The following DEPDC1 variants were observed in gnomAD, a reference collection of about 807,000 sequenced individuals.
DEPDC1 encodes the protein DEP domain containing 1, also known as DEP domain-containing protein 1A.
Under a neutral mutation model 86.8 loss-of-function variants are expected in DEPDC1, and 66 were observed. The ratio of observed to expected loss-of-function variants is 0.76; its 90% CI spans 0.62 to 0.93. DEPDC1 has a LOEUF of 0.93. DEPDC1 is among the 40% of genes least tolerant of loss of function. DEPDC1 has a pLI of 0.00. For synonymous variants in DEPDC1, 255 were observed against 314.9 expected (o/e 0.81, Z 2.02); for missense variants, 792 against 935.7 (o/e 0.85, Z 2.00).
intron 6 of DEPDC1, among the ~76,000 whole-genome samples, chr1:68,485,802 T>C (rs1293505305): frequency 1.3e-5 from 2 of 152,104 alleles, no homozygotes; most frequent in African/African-American, 2.4e-5. Context: ...TTGCTATTTA[T>C]TCAATGTCAT....
rs955264382 is a variant in DEPDC1 at position 68,476,342 on chromosome 1, A to T, written c.*590T>A. On this transcript the variant is annotated 3_prime_UTR_variant, in exon 12 of 12. Transcript: ENST00000456315. The stretch of plus-strand genomic sequence containing the variant: ...ATATACTGAACAAATGAATGACTGA[A>T]GCAATTGGGGATAATATTTAAGGCA... 1.3e-5 allele frequency: 2 copies of T among 151,852 alleles called. No individual in the cohort carries two copies. Among genetic ancestry groups the T allele is most frequent in the African/African-American group, 4.8e-5 (2 of 41,404 alleles). 9.4% of individuals were successfully genotyped at this position (151,852 alleles called of 1,614,324 possible).
rs138746932 is a variant in DEPDC1 at position 68,476,202 on chromosome 1, C to A, written c.*730G>T. The stretch of plus-strand genomic sequence containing the variant: ...CATTGTCTCTGCATATCTGGAACAA[C>A]GAAAGGCACATAGCAGTTGCTAAAT... On this transcript the variant is annotated 3_prime_UTR_variant, in exon 12 of 12. Coordinates refer to ENST00000456315, the MANE Select transcript of DEPDC1 (RefSeq NM_001114120.3). 3.3e-5 allele frequency: 5 copies of A among 151,840 alleles called. No homozygotes were observed. The highest frequency in any genetic ancestry group is 1.2e-4 in the African/African-American group (5 of 41,416). 9.4% of individuals were successfully genotyped at this position (151,840 alleles called of 1,614,324 possible). A position where few individuals can be genotyped will look rare whatever the true frequency, so the allele number is the denominator to read the frequency against.
chr1:68,490,147 G>A (rs1180151068), intron 2 of DEPDC1, among the ~76,000 whole-genome samples: 1 of 152,080 alleles, frequency 6.6e-6, no homozygotes, highest in Non-Finnish European at 1.5e-5. Context: ...TTTAAGTTCA[G>A]GGGTGCATGT....
At position 68,488,369 on chromosome 1, in the gene DEPDC1, C is replaced by G. The variant is rs375208695; in HGVS notation, c.721+5G>C. The stretch of plus-strand genomic sequence containing the variant: ...TAAAAGTCCAATTATTTTATTAATA[C>G]CAACCTGATTTGTTTTGTAGTATAA... On this transcript the variant is annotated splice_donor_5th_base_variant and intron_variant, in intron 5 of 11. Coordinates refer to ENST00000456315, the MANE Select transcript of DEPDC1 (RefSeq NM_001114120.3). 3 of 1,575,868 alleles carry G rather than the reference C, an allele frequency of 1.9e-6. No individual in the cohort carries two copies. The highest frequency in any genetic ancestry group is 2.6e-6 in the Non-Finnish European group (3 of 1,167,648).
At chr1:68,483,384 C>T (rs902572743) in intron 7 of DEPDC1, 18 of 490,942 alleles carry the variant, frequency 3.7e-5, no homozygotes, top group Admixed American at 9.0e-5. Context: ...AACTGAGGGC[C>T]GGCCATGGTT....
At chr1:68,491,004 A>G (rs1412286341) in intron 2 of DEPDC1, among the ~76,000 whole-genome samples, 1 of 152,142 alleles carries the variant, frequency 6.6e-6, no homozygotes, top group African/African-American at 2.4e-5. Context: ...GAAATGGGAC[A>G]CCTTCTTACA....
At chr1:68,488,575 C>T (rs964515871) in intron 4 of DEPDC1, 71 bp from the exon 5 acceptor site, 2 of 1,264,070 alleles carry the variant, frequency 1.6e-6, no homozygotes, top group African/African-American at 1.6e-5. Context: ...GACTAGTAAA[C>T]AAAGCCATCA....
chr1:68,480,234 T>C (rs1029764246), intron 9 of DEPDC1, among the ~76,000 whole-genome samples: 6 of 93,060 alleles, frequency 6.4e-5, no homozygotes, highest in African/African-American at 2.6e-4. Flanking sequence ...CTTATATCTA[T>C]GCAACCCTCT....
In DEPDC1 at chr1:68,476,340, G is replaced by A. The variant is rs1646114943; in HGVS notation, c.*592C>T. The stretch of plus-strand genomic sequence containing the variant: ...ATATATACTGAACAAATGAATGACT[G>A]AAGCAATTGGGGATAATATTTAAGG... On this transcript the variant is annotated 3_prime_UTR_variant, in exon 12 of 12. Transcript: ENST00000456315. 6.6e-6 allele frequency: 1 copy of A among 151,672 alleles called. No homozygotes were observed. The highest frequency in any genetic ancestry group is 1.5e-5 in the Non-Finnish European group (1 of 67,764). 9.4% of individuals were successfully genotyped at this position (151,672 alleles called of 1,614,324 possible).
intron 2 of DEPDC1, among the ~76,000 whole-genome samples, chr1:68,492,368 G>T (rs1357975855): frequency 6.6e-6 from 1 of 151,878 alleles, no homozygotes; most frequent in Non-Finnish European, 1.5e-5. Flanking sequence ...CACATTTTTG[G>T]TAAACTTTAT....
In DEPDC1 at chr1:68,496,904, G is replaced by A. The variant is rs769860872; in HGVS notation, c.48+48C>T. 20 of 1,597,000 alleles carry A rather than the reference G, an allele frequency of 1.3e-5. No homozygotes were observed. The Admixed American group carries it at 3.0e-4, about 24-fold the overall frequency. On this transcript the variant is annotated intron_variant, in intron 1 of 11. Transcript: ENST00000456315. This position sits in a 1 kb window ranked among gnomAD's most constrained non-coding sequence, Gnocchi z 4.0. ...TCGAGGTAAAACTGCGAACAGTGGT[G>A]ACTGCCGTCAGCCCGCTGACCGGTC... is the stretch of plus-strand genomic sequence containing the variant.
At chr1:68,483,609 G>A in intron 7 of DEPDC1, 1 of 278,254 alleles carries the variant, frequency 3.6e-6, no homozygotes, top group South Asian at 3.7e-5. Context: ...GAGAAACTCT[G>A]TGCCACCCCC....
chr1:68,492,755 T>C (rs1176299174), intron 2 of DEPDC1, among the ~76,000 whole-genome samples: 2 of 152,208 alleles, frequency 1.3e-5, no homozygotes, highest in South Asian at 2.1e-4. Context: ...AAAAAGAAGA[T>C]TCATCTTGGA....
rs1442638334 is a variant in DEPDC1 at position 68,489,013 on chromosome 1, G to A, written c.493C>T (p.His165Tyr). ...LSQENGEKIK[H>Y]EIINEDQENA... The stretch of plus-strand genomic sequence containing the variant: ...TCTTGATCTTCATTGATTATTTCAT[G>A]CTTTATTTTCTCGCCATTTTCCTGA... Residue 165 changes from histidine to tyrosine, a missense_variant, in exon 4 of 12, where the codon CAT becomes TAT. Coordinates refer to ENST00000456315, the MANE Select transcript of DEPDC1 (RefSeq NM_001114120.3). 3.1e-6 allele frequency: 5 copies of A among 1,603,076 alleles called. No homozygotes were observed. The highest frequency in any genetic ancestry group is 4.3e-6 in the Non-Finnish European group (5 of 1,172,838).
At chr1:68,478,474 A>T (rs2100241933) in intron 10 of DEPDC1, among the ~76,000 whole-genome samples, 1 of 150,968 alleles carries the variant, frequency 6.6e-6, no homozygotes, top group African/African-American at 2.4e-5. Flanking sequence ...GCCTAGGGAC[A>T]TAGGCAGAGC....
In DEPDC1 at chr1:68,477,016, A is replaced by C; in HGVS notation, c.2352T>G (p.Ser784Arg). The change falls in exon 12 of 12, where the codon AGT becomes AGG. Residue 784 changes from serine to arginine, a missense_variant. By Grantham distance (110) the Ser-to-Arg change is moderately radical. Coordinates refer to ENST00000456315, the MANE Select transcript of DEPDC1 (RefSeq NM_001114120.3). ...IYQKRFPTTESEAALFGDKPT... is the reference protein window; with the variant it reads ...IYQKRFPTTEREAALFGDKPT... ...GTTTGTCACCAAAAAGTGCTGCTTC[A>C]CTCTCCGTGGTTGGAAATCTTTTCT... 6.2e-7 allele frequency: 1 copy of C among 1,606,852 alleles called. No individual in the cohort carries two copies. The highest frequency in any genetic ancestry group is 8.5e-7 in the Non-Finnish European group (1 of 1,176,500).
At position 68,475,964 on chromosome 1, in the gene DEPDC1, G is replaced by GTT. The variant is rs1646112405; in HGVS notation, c.*966_*967dup. Reference sequence around the variant, plus strand: ...AAGTTAGGCCCTGGGCATATAGGCTGTTTTAAAATTCCTCGGGTGAGTCTA... The same window carrying GTT: ...AAGTTAGGCCCTGGGCATATAGGCTGTTTTTTAAAATTCCTCGGGTGAGTCTA... On this transcript the variant is annotated 3_prime_UTR_variant, in exon 12 of 12. Coordinates refer to ENST00000456315, the MANE Select transcript of DEPDC1 (RefSeq NM_001114120.3). 6.6e-6 allele frequency: 1 copy of GTT among 151,814 alleles called. No homozygotes were observed. Among genetic ancestry groups the GTT allele is most frequent in the East Asian group, 1.9e-4 (1 of 5,184 alleles). 9.4% of individuals were successfully genotyped at this position (151,814 alleles called of 1,614,324 possible). A position where few individuals can be genotyped will look rare whatever the true frequency, so the allele number is the denominator to read the frequency against.
At chr1:68,491,087 G>A (rs1167862033) in intron 2 of DEPDC1, among the ~76,000 whole-genome samples, 15 of 152,108 alleles carry the variant, frequency 9.9e-5, no homozygotes, top group Admixed American at 9.8e-4. Context: ...AAACCTGGAA[G>A]AAAACCTAGG....
At chr1:68,494,318 T>C (rs1268662369) in intron 2 of DEPDC1, 112 bp downstream of exon 2, 1 of 1,021,772 alleles carries the variant, frequency 9.8e-7, no homozygotes, top group Non-Finnish European at 1.4e-6. Flanking sequence ...TTAATAGTTT[T>C]CCAAAGAAAT....
Sources: allele counts gnomAD v4.1 joint callset (sites outside exome capture counted in the v4.1 genomes callset), GRCh38; gene constraint gnomAD v4.1.1; non-coding constraint Gnocchi (gnomAD v3.1); transcripts MANE v1.5; gene names NCBI Gene and HGNC (gene_info 2026-07-23, HGNC 2026-07-21).